Variants in GALNT13 observed in about 807,000 individuals in gnomAD.
The protein encoded by GALNT13 is polypeptide N-acetylgalactosaminyltransferase 13.
GALNT13 carries 28 observed loss-of-function variants against 64.2 expected under a neutral mutation model. The observed-to-expected ratio is 0.44, with a 90% CI of 0.32 to 0.60. GALNT13 has a LOEUF of 0.60. GALNT13 is among the 20% of genes least tolerant of loss of function. The pLI is 0.05. For missense variants in GALNT13, 577 were observed against 669.8 expected (o/e 0.86, Z 1.53); for synonymous variants, 214 against 224.6 (o/e 0.95, Z 0.42).
At chr2:154,120,212 G>A (rs1681861098) in intron 3 of GALNT13, among the ~76,000 whole-genome samples, 1 of 152,198 alleles carries the variant, frequency 6.6e-6, no homozygotes, top group Admixed American at 6.5e-5. Context: ...TACTTTAGCT[G>A]TGATGTCAGG....
chr2:153,534,624 C>A, the GALNT13 span, among the ~76,000 whole-genome samples: 5 of 145,048 alleles, frequency 3.4e-5, no homozygotes, highest in South Asian at 2.2e-4. Flanking sequence ...TAAGGGTGGG[C>A]CGTTTTATAG....
chr2:154,318,724 CAAAA>C (rs5835510), intron 9 of GALNT13, among the ~76,000 whole-genome samples: 1 of 96,674 alleles, frequency 1.0e-5, no homozygotes, highest in Non-Finnish European at 2.2e-5. Flanking sequence ...AACTCCATTT[CAAAA>C]AAAAAAAAAA....
At chr2:153,573,130 G>A in the GALNT13 span, among the ~76,000 whole-genome samples, 3 of 151,860 alleles carry the variant, frequency 2.0e-5, no homozygotes, top group East Asian at 5.8e-4. Context: ...TCCAGTGTTG[G>A]GTGCATATAT....
intron 3 of GALNT13, among the ~76,000 whole-genome samples, chr2:154,127,823 T>G (rs1682382843): frequency 2.0e-5 from 3 of 151,214 alleles, no homozygotes; most frequent in African/African-American, 7.3e-5. Flanking sequence ...TGCATACATA[T>G]GCAGAAATAT....
chr2:154,147,595 T>C (rs1039663553), intron 4 of GALNT13, among the ~76,000 whole-genome samples: 2 of 151,872 alleles, frequency 1.3e-5, no homozygotes, highest in Non-Finnish European at 2.9e-5. Context: ...GGAGGGCCAA[T>C]GAAACTCTTT....
chr2:154,406,753 C>G (rs564069119), intron 10 of GALNT13, among the ~76,000 whole-genome samples: 1 of 152,048 alleles, frequency 6.6e-6, no homozygotes, highest in Non-Finnish European at 1.5e-5. Flanking sequence ...TGCTCTCTTC[C>G]CTTCTAAAAC....
At chr2:153,397,773 G>C in the GALNT13 span, among the ~76,000 whole-genome samples, 2 of 152,006 alleles carry the variant, frequency 1.3e-5, no homozygotes, top group African/African-American at 2.4e-5. Flanking sequence ...TTCCATCCTA[G>C]CAGAACTCCA....
chr2:153,636,827 T>A, the GALNT13 span, among the ~76,000 whole-genome samples: 40,986 of 151,864 alleles, frequency 0.27, 5,986 homozygotes, highest in East Asian at 0.47. Context: ...AGTAAGAAAG[T>A]AGAATCTTTG....
intron 3 of GALNT13, among the ~76,000 whole-genome samples, chr2:153,986,654 G>A (rs1363160949): frequency 1.3e-5 from 2 of 151,862 alleles, no homozygotes; most frequent in Non-Finnish European, 2.9e-5. Context: ...CACAATAGAA[G>A]ACTCTTTTCT....
the GALNT13 span, among the ~76,000 whole-genome samples, chr2:153,826,038 C>G: frequency 6.6e-6 from 1 of 152,150 alleles, no homozygotes; most frequent in African/African-American, 2.4e-5. Context: ...CCTTCTCTAT[C>G]CCCATCTCTT....
chr2:153,635,441 C>CATATATATATGTATATATATATATAT, the GALNT13 span, among the ~76,000 whole-genome samples: 1 of 129,852 alleles, frequency 7.7e-6, no homozygotes, highest in Non-Finnish European at 1.6e-5. Flanking sequence ...TATATATATA[C>CATATATATATGTATATATATATATAT]ACACATATAT....
In GALNT13 at chr2:154,291,640, C is replaced by T. The variant is rs115568829; in HGVS notation, c.976-9769C>T. On this transcript the variant is annotated intron_variant, in intron 8 of 12. Coordinates refer to ENST00000392825, the MANE Select transcript of GALNT13 (RefSeq NM_052917.4). The stretch of plus-strand genomic sequence containing the variant: ...GCCCACCCAGAACCCGGCCGGCCCA[C>T]GGGTGCTGCGTGCAGCCCCAGCTCC... 9.2e-5 allele frequency among the ~76,000 whole-genome samples: 14 copies of T among 152,300 alleles called. 1 individual carries two copies. Among genetic ancestry groups the T allele is most frequent in the African/African-American group, 1.4e-4 (6 of 41,590 alleles).
the GALNT13 span, among the ~76,000 whole-genome samples, chr2:153,094,502 A>G: frequency 6.6e-6 from 1 of 152,162 alleles, no homozygotes; most frequent in Non-Finnish European, 1.5e-5. Flanking sequence ...CCATCAAGCT[A>G]CCAATGACTT....
chr2:153,301,644 T>C, the GALNT13 span, among the ~76,000 whole-genome samples: 3 of 152,208 alleles, frequency 2.0e-5, no homozygotes, highest in Non-Finnish European at 4.4e-5. Context: ...CTTGAACTTA[T>C]TCTTCCTGTG....
At chr2:153,486,950 G>T in the GALNT13 span, among the ~76,000 whole-genome samples, 1 of 152,180 alleles carries the variant, frequency 6.6e-6, no homozygotes, top group Non-Finnish European at 1.5e-5. Context: ...ATGGGGAAAA[G>T]CAGGTGGCTG....
chr2:153,778,163 G>A, the GALNT13 span, among the ~76,000 whole-genome samples: 2,412 of 152,164 alleles, frequency 0.016, 69 homozygotes, highest in East Asian at 0.12. Flanking sequence ...CTTCTATGCC[G>A]GTGTGTTCCT....
intron 3 of GALNT13, among the ~76,000 whole-genome samples, chr2:153,956,507 T>G (rs558900725): frequency 6.6e-6 from 1 of 152,294 alleles, no homozygotes; most frequent in Admixed American, 6.5e-5. Flanking sequence ...TGTCCTATGC[T>G]GCCTATTTCT....
chr2:154,261,701 G>A (rs1690705200), intron 8 of GALNT13, among the ~76,000 whole-genome samples: 2 of 152,238 alleles, frequency 1.3e-5, no homozygotes, highest in African/African-American at 4.8e-5. Context: ...TCAAAGAACT[G>A]CATTCCTATG....
intron 4 of GALNT13, among the ~76,000 whole-genome samples, chr2:154,222,387 C>T (rs373145333): frequency 9.2e-5 from 14 of 152,054 alleles, no homozygotes; most frequent in East Asian, 3.9e-4. Context: ...TCTGATCAGC[C>T]AATATCATGA....
Sources: allele counts gnomAD v4.1 joint callset (sites outside exome capture counted in the v4.1 genomes callset), GRCh38; gene constraint gnomAD v4.1.1; transcripts MANE v1.5; gene names NCBI Gene and HGNC (gene_info 2026-07-23, HGNC 2026-07-21).